Variants in CFAP54 observed in about 807,000 individuals in gnomAD.
CFAP54 encodes cilia and flagella associated protein 54, also known as cilia- and flagella-associated protein 54.
CFAP54 carries 290 observed loss-of-function variants against 370.4 expected under a neutral mutation model. That is an observed-to-expected ratio of 0.78 (90% CI 0.71 to 0.86). The LOEUF (loss-of-function observed/expected upper bound fraction) is 0.86. CFAP54 is among the 40% of genes least tolerant of loss of function. The pLI is 0.00. For synonymous variants in CFAP54, 1,206 were observed against 1,236.5 expected, an observed-to-expected ratio of 0.98 and a Z score of 0.52; for missense variants, 3,399 against 3,528.7, an observed-to-expected ratio of 0.96 and a Z score of 0.93.
At chr12:96,491,361 A>T (rs1372622908) in intron 1 of CFAP54, among the ~76,000 whole-genome samples, 1 of 152,198 alleles carries the variant, frequency 6.6e-6, no homozygotes, top group East Asian at 1.9e-4. Context: ...AAAAATTGAG[A>T]TGTGATTCAG....
intron 22 of CFAP54, 69 bp from the exon 23 acceptor site, chr12:96,589,358 T>G: frequency 8.0e-7 from 1 of 1,242,754 alleles, no homozygotes; most frequent in South Asian, 1.4e-5. Context: ...TTGTATATTT[T>G]AAGAATTATT....
At chr12:96,550,382 G>T (rs916830425) in intron 15 of CFAP54, among the ~76,000 whole-genome samples, 1 of 152,142 alleles carries the variant, frequency 6.6e-6, no homozygotes, top group Non-Finnish European at 1.5e-5. Flanking sequence ...TTTGAGACCA[G>T]CCTGGCCAAC....
intron 67 of CFAP54, among the ~76,000 whole-genome samples, chr12:96,867,774 T>C (rs770987947): frequency 8.4e-4 from 128 of 152,148 alleles, no homozygotes; most frequent in Non-Finnish European, 1.6e-3. Context: ...GAGATGTTGG[T>C]CAAAAATACA....
At position 96,784,890 on chromosome 12, in the gene CFAP54, G is replaced by C; in HGVS notation, c.8455G>C (p.Ala2819Pro). 6.6e-7 allele frequency: 1 copy of C among 1,508,630 alleles called. No individual in the cohort carries two copies. 93.5% of individuals were successfully genotyped at this position (1,508,630 alleles called of 1,614,324 possible). The change falls in exon 61 of 68, where the codon GCA becomes CCA. Residue 2819 changes from alanine (A) to proline (P), a missense_variant and splice_region_variant. Ala to Pro is a conservative substitution (Grantham distance 27). Around this residue, in one of 3 missense-constraint regions of CFAP54, gnomAD observed 2,796 missense variants for 2,869.7 expected, o/e 0.97. Coordinates refer to ENST00000524981, the MANE Select transcript of CFAP54 (RefSeq NM_001306084.2). ...GATTAATAATCTGAGCAAACTGCTA[G>C]GTAGGTTTTTTGATGTGTTAAGAGA... ...QRINNLSKLL[A>P]SATPVSGISL...
chr12:96,573,963 A>G (rs1955950609), intron 19 of CFAP54, among the ~76,000 whole-genome samples: 2 of 152,260 alleles, frequency 1.3e-5, no homozygotes, highest in Admixed American at 1.3e-4. Flanking sequence ...TTAAAAAACT[A>G]TTCATCATCG....
chr12:96,581,447 T>C, intron 22 of CFAP54, among the ~76,000 whole-genome samples: 1 of 152,128 alleles, frequency 6.6e-6, no homozygotes, highest in East Asian at 1.9e-4. Flanking sequence ...GGGGCAATTT[T>C]GTCAATGTCT....
rs139560340 is a variant in CFAP54, at chr12:96,732,328, C to A, written c.6966-7628C>A. Among the ~76,000 whole-genome samples the A allele has an allele frequency of 8.5e-3, 1,294 of 152,218 alleles. 52 individuals carry two copies. The East Asian group carries it at 0.097, about 11-fold the overall frequency. On this transcript the variant is annotated intron_variant, in intron 50 of 67. Transcript: ENST00000524981. The stretch of plus-strand genomic sequence containing the variant: ...TGTATTTTTAGTAGAGTTGGGGTTT[C>A]ACCATGTTGGCCAGGCTGGTCTCAA...
intron 50 of CFAP54, among the ~76,000 whole-genome samples, chr12:96,738,758 G>A (rs898834938): frequency 6.6e-6 from 1 of 151,804 alleles, no homozygotes; most frequent in East Asian, 1.9e-4. Context: ...CTACAGACGC[G>A]TGCCACCACG....
chr12:96,564,704 A>G lies in CFAP54; in HGVS notation c.2558A>G (p.Gln853Arg), dbSNP rs779464817. 1 of 634,794 alleles carries G rather than the reference A, an allele frequency of 1.6e-6. No individual in the cohort carries two copies. The highest frequency in any genetic ancestry group is 1.9e-5 in the South Asian group (1 of 53,062). The allele number at this position is 634,794 out of a possible 1,614,324, so 39.3% of individuals were successfully genotyped here. ...TTATCCAAAGCAATTTACTTAATGC[A>G]GAAAGCTCTTTTAATATTCGAGAAA... ...NTLSKAIYLM[Q>R]KALLIFEKDA... Residue 853 changes from glutamine (Q) to arginine (R), a missense_variant, in exon 19 of 68, where the codon CAG (glutamine) becomes CGG (arginine). By Grantham distance (43) the Gln-to-Arg change is conservative. This residue lies in a region of CFAP54 where 2,796 missense variants were observed against 2,869.7 expected (regional missense o/e 0.97). Coordinates refer to ENST00000524981, the MANE Select transcript of CFAP54 (RefSeq NM_001306084.2).
In CFAP54 at chr12:96,756,560, C is replaced by T. The variant is rs1958260261; in HGVS notation, c.7943C>T (p.Ser2648Leu). ...IQLSLKNDQN[S>L]GLIRDSYLEM... ...CTAAGCCTGAAAAATGATCAAAACT[C>T]AGGGTAAAAAGATATTCCATTGTTG... The change falls in exon 57 of 68, where the codon TCA becomes TTA. Residue 2648 changes from serine (S) to leucine (L), a missense_variant. Ser to Leu is a moderately radical substitution (Grantham distance 145). This residue lies in a region of CFAP54 where 2,796 missense variants were observed against 2,869.7 expected (regional missense o/e 0.97). Coordinates refer to ENST00000524981, the MANE Select transcript of CFAP54 (RefSeq NM_001306084.2). 2.5e-6 allele frequency: 4 copies of T among 1,582,830 alleles called. No individual in the cohort carries two copies. Among genetic ancestry groups the T allele is most frequent in the Non-Finnish European group, 3.5e-6 (4 of 1,155,784 alleles).
chr12:96,825,801 C>A (rs1592788587), intron 65 of CFAP54, among the ~76,000 whole-genome samples: 1 of 127,100 alleles, frequency 7.9e-6, no homozygotes, highest in African/African-American at 3.1e-5. Flanking sequence ...GTATATATTA[C>A]ATATTATAAT....
chr12:96,759,700 G>A (rs1219257961), intron 58 of CFAP54, among the ~76,000 whole-genome samples: 2 of 152,114 alleles, frequency 1.3e-5, no homozygotes, highest in Non-Finnish European at 2.9e-5. Flanking sequence ...TACCTGTGTG[G>A]GTTTGAATCC....
At chr12:96,811,922 G>A (rs1958931865) in intron 64 of CFAP54, 80 bp downstream of exon 64, 6 of 822,158 alleles carry the variant, frequency 7.3e-6, no homozygotes, top group African/African-American at 1.8e-5. Context: ...TTGGCAAGGT[G>A]TAGCATAGGA....
intron 36 of CFAP54, among the ~76,000 whole-genome samples, chr12:96,656,884 C>T (rs1956928803): frequency 6.6e-6 from 1 of 152,178 alleles, no homozygotes; most frequent in Admixed American, 6.5e-5. Context: ...AAAAGTATGT[C>T]CCATGTGCTG....
chr12:96,626,014 A>G (rs1298145597), intron 29 of CFAP54, among the ~76,000 whole-genome samples: 1 of 152,210 alleles, frequency 6.6e-6, no homozygotes, highest in East Asian at 1.9e-4. Flanking sequence ...AAGTCTGGAA[A>G]GACAGAATCT....
chr12:96,857,306 A>G (rs538533208), intron 66 of CFAP54, among the ~76,000 whole-genome samples: 23 of 152,286 alleles, frequency 1.5e-4, no homozygotes, highest in Non-Finnish European at 3.1e-4. Context: ...TCTACCCTCA[A>G]GTAGACCCTG....
chr12:96,664,755 C>G (rs12313690), intron 39 of CFAP54, among the ~76,000 whole-genome samples: 1 of 78,758 alleles, frequency 1.3e-5, no homozygotes, highest in Non-Finnish European at 2.5e-5. Context: ...ATATATATAT[C>G]TATATATATC....
At position 96,527,301 on chromosome 12, in the gene CFAP54, C is replaced by T; in HGVS notation, c.1214C>T (p.Thr405Ile). The change falls in exon 9 of 68, where the codon ACT becomes ATT. Residue 405 changes from threonine (T) to isoleucine (I), a missense_variant. This residue lies in a region of CFAP54 where 559 missense variants were observed against 576.7 expected (regional missense o/e 0.97). Coordinates refer to ENST00000524981, the MANE Select transcript of CFAP54 (RefSeq NM_001306084.2). ...ERLLDEMFDSTASQFLAVLEA... is the reference protein window; with the variant it reads ...ERLLDEMFDSIASQFLAVLEA... ...CTACTGGATGAGATGTTTGATAGCA[C>T]TGCATCCCAGTTTCTGGCTGTCTTG... 6.5e-7 allele frequency: 1 copy of T among 1,535,600 alleles called. No homozygotes were observed. Among genetic ancestry groups the T allele is most frequent in the Non-Finnish European group, 8.7e-7 (1 of 1,146,608 alleles).
At chr12:96,533,421 A>G (rs1169743060) in intron 9 of CFAP54, among the ~76,000 whole-genome samples, 1 of 152,134 alleles carries the variant, frequency 6.6e-6, no homozygotes, top group African/African-American at 2.4e-5. Context: ...CCATGGCTGA[A>G]TCTACTATTT....
Sources: gnomAD v4.1 joint callset for allele counts (sites outside exome capture counted in the v4.1 genomes callset) on GRCh38, gnomAD v4.1.1 for gene constraint, gnomAD v4.1.1 regional missense constraint, MANE v1.5 for transcripts, NCBI Gene and HGNC (gene_info 2026-07-23, HGNC 2026-07-21) for gene names.